KCNIP4: variants seen among roughly 807,000 people sequenced by gnomAD.
KCNIP4 encodes potassium voltage-gated channel interacting protein 4.
KCNIP4 carries 12 observed loss-of-function variants against 34.0 expected under a neutral mutation model. The ratio of observed to expected loss-of-function variants is 0.35; its 90% CI spans 0.23 to 0.57. KCNIP4 has a LOEUF of 0.57. KCNIP4 is among the 20% of genes least tolerant of loss of function. The pLI, the probability that KCNIP4 is intolerant of heterozygous loss-of-function variation, is 0.83. For synonymous variants in KCNIP4, 124 were observed against 102.2 expected (o/e 1.21, Z -1.29); for missense variants, 238 against 311.7 (o/e 0.76, Z 1.78).
chr4:21,685,969 G>C (rs913138560), intron 1 of KCNIP4, among the ~76,000 whole-genome samples: 4 of 152,310 alleles, frequency 2.6e-5, no homozygotes, highest in Admixed American at 6.5e-5. Flanking sequence ...GCATAAAACT[G>C]ATCTTTAAAG....
chr4:21,557,778 T>G (rs1194500633), intron 1 of KCNIP4, among the ~76,000 whole-genome samples: 1 of 152,186 alleles, frequency 6.6e-6, no homozygotes, highest in Non-Finnish European at 1.5e-5. Context: ...CCAAATGATT[T>G]AAATTGATAC....
Position 21,373,831 on chromosome 4 carries a change from G to A in KCNIP4, c.62-491122C>T, listed in dbSNP as rs757725573. Among the ~76,000 whole-genome samples, 5 of 146,670 alleles carry A rather than the reference G, an allele frequency of 3.4e-5. 1 individual carries two copies. The highest frequency in any genetic ancestry group is 2.0e-4 in the East Asian group (1 of 5,016). ...AGCAATTCTCATGCCTCAGCCTCCC[G>A]AGTAACTGGGATTACAGGTGCTCCT... is the stretch of plus-strand genomic sequence containing the variant. On this transcript the variant is annotated intron_variant, in intron 1 of 8. Transcript: ENST00000382152.
intron 1 of KCNIP4, among the ~76,000 whole-genome samples, chr4:21,409,191 C>T (rs149158529): frequency 5.9e-5 from 9 of 151,702 alleles, no homozygotes; most frequent in African/African-American, 1.7e-4. Context: ...ACTGCAACCT[C>T]GACCTCCTGG....
chr4:20,755,844 G>A (rs1168142193), intron 4 of KCNIP4, among the ~76,000 whole-genome samples: 1 of 152,122 alleles, frequency 6.6e-6, no homozygotes, highest in Non-Finnish European at 1.5e-5. Context: ...CATCATGGCT[G>A]GTGTGCTGGT....
intron 1 of KCNIP4, among the ~76,000 whole-genome samples, chr4:21,300,500 T>C (rs1711551094): frequency 1.3e-5 from 2 of 152,180 alleles, no homozygotes; most frequent in Admixed American, 1.3e-4. Flanking sequence ...AAAGAAAATG[T>C]AATAAATATT....
chr4:21,822,109 C>T (rs1722388877), intron 1 of KCNIP4, among the ~76,000 whole-genome samples: 1 of 152,174 alleles, frequency 6.6e-6, no homozygotes, highest in East Asian at 1.9e-4. Context: ...CACATGAATT[C>T]ATCAGGATTT....
At chr4:21,242,908 G>A (rs1417640732) in intron 1 of KCNIP4, among the ~76,000 whole-genome samples, 1 of 112,314 alleles carries the variant, frequency 8.9e-6, no homozygotes, top group Non-Finnish European at 1.9e-5. Flanking sequence ...GTGTGTGTGT[G>A]TGTGTGTGTA....
intron 1 of KCNIP4, among the ~76,000 whole-genome samples, chr4:20,951,555 C>G (rs1009297168): frequency 1.3e-5 from 2 of 152,152 alleles, no homozygotes; most frequent in African/African-American, 2.4e-5. Context: ...TAATAAAAGA[C>G]TAAATGCTAT....
chr4:21,236,602 A>G (rs547653620), intron 1 of KCNIP4, among the ~76,000 whole-genome samples: 2 of 152,298 alleles, frequency 1.3e-5, no homozygotes, highest in African/African-American at 2.4e-5. Context: ...ATCTGCAAAC[A>G]CCAGATCCAA....
At chr4:20,734,526 T>C in intron 6 of KCNIP4, 102 bp downstream of exon 6, 1 of 573,420 alleles carries the variant, frequency 1.7e-6, no homozygotes, top group South Asian at 3.4e-5. Context: ...ATTTTGGAAT[T>C]TCCTCAAAAA....
chr4:21,796,111 A>G (rs1324412272), intron 1 of KCNIP4, among the ~76,000 whole-genome samples: 1 of 152,088 alleles, frequency 6.6e-6, no homozygotes, highest in African/African-American at 2.4e-5. Context: ...AAACATGGAG[A>G]TCTCTGTGGT....
intron 1 of KCNIP4, among the ~76,000 whole-genome samples, chr4:21,579,541 G>A (rs894253068): frequency 3.9e-5 from 6 of 151,964 alleles, no homozygotes; most frequent in African/African-American, 1.5e-4. Context: ...ATCCATTCAT[G>A]CATTTGTTTA....
intron 1 of KCNIP4, among the ~76,000 whole-genome samples, chr4:21,636,517 T>C (rs1179170654): frequency 6.6e-6 from 1 of 152,150 alleles, no homozygotes; most frequent in Non-Finnish European, 1.5e-5. Context: ...CTATTGTACA[T>C]TGTACTTAAA....
chr4:21,341,428 T>C (rs1256626981), intron 1 of KCNIP4, among the ~76,000 whole-genome samples: 2 of 152,302 alleles, frequency 1.3e-5, no homozygotes, highest in East Asian at 3.9e-4. Context: ...CCTTGGCAAG[T>C]AATTGTGCAA....
intron 1 of KCNIP4, among the ~76,000 whole-genome samples, chr4:21,439,528 T>A (rs1439421877): frequency 2.0e-5 from 3 of 152,202 alleles, no homozygotes; most frequent in Admixed American, 6.5e-5. Context: ...AATGTACACA[T>A]CTTCCAAGAC....
intron 1 of KCNIP4, among the ~76,000 whole-genome samples, chr4:21,457,525 C>A (rs908413858): frequency 6.6e-6 from 1 of 152,008 alleles, no homozygotes; most frequent in Non-Finnish European, 1.5e-5. Context: ...AAATGTCTTC[C>A]TCTTAATAAC....
At chr4:21,790,497 T>A (rs1720206260) in intron 1 of KCNIP4, among the ~76,000 whole-genome samples, 1 of 152,168 alleles carries the variant, frequency 6.6e-6, no homozygotes, top group African/African-American at 2.4e-5. Context: ...CCTCACATTA[T>A]GACAACTTAT....
At chr4:21,176,042 C>A (rs1014746728) in intron 1 of KCNIP4, among the ~76,000 whole-genome samples, 7 of 152,138 alleles carry the variant, frequency 4.6e-5, no homozygotes, top group African/African-American at 1.7e-4. Flanking sequence ...TAAAACCTTT[C>A]TTGCCTGTCT....
chr4:20,793,615 A>C (rs1713063271), intron 3 of KCNIP4, among the ~76,000 whole-genome samples: 1 of 152,014 alleles, frequency 6.6e-6, no homozygotes, highest in Non-Finnish European at 1.5e-5. Context: ...TTTTCCACGG[A>C]TGGGGTGGGA....
Sources: allele counts gnomAD v4.1 joint callset (sites outside exome capture counted in the v4.1 genomes callset), GRCh38; gene constraint gnomAD v4.1.1; transcripts MANE v1.5; gene names NCBI Gene and HGNC (gene_info 2026-07-23, HGNC 2026-07-21).